ARHGAP26: variants seen among roughly 807,000 people sequenced by gnomAD.
The protein encoded by ARHGAP26 is Rho GTPase activating protein 26, also known as rho GTPase-activating protein 26.
A neutral mutation model predicts 104.8 loss-of-function variants in ARHGAP26; 38 were observed. The ratio of observed to expected loss-of-function variants is 0.36; its 90% CI spans 0.28 to 0.48. The LOEUF (loss-of-function observed/expected upper bound fraction) is 0.48. Ranked by LOEUF, ARHGAP26 falls within the 20% of genes least tolerant of loss-of-function variation. The pLI, the probability that ARHGAP26 is intolerant of heterozygous loss-of-function variation, is 0.99. For missense variants in ARHGAP26, 704 were observed against 947.9 expected (o/e 0.74, Z 3.38); for synonymous variants, 341 against 340.0 (o/e 1.00, Z -0.03).
At chr5:142,897,011 C>T (rs186758159) in intron 6 of ARHGAP26, among the ~76,000 whole-genome samples, 1 of 152,258 alleles carries the variant, frequency 6.6e-6, no homozygotes. Flanking sequence ...TTAATATAAA[C>T]AGTTTTGGTA....
At position 142,794,437 on chromosome 5, in the gene ARHGAP26, G is replaced by A. The variant is rs184711078; in HGVS notation, c.154+23522G>A. Among the ~76,000 whole-genome samples the A allele has an allele frequency of 4.6e-5, 7 of 152,300 alleles. No individual in the cohort carries two copies. The East Asian group carries it at 7.7e-4, about 17-fold the overall frequency. On this transcript the variant is annotated intron_variant, in intron 1 of 22. Transcript: ENST00000645722. ...ACACTGGCATAAGTAAATTGAGCACGGTCATCTGTGGAAGAGAAAGGGCCC... is the reference window on the plus strand; with the variant it reads ...ACACTGGCATAAGTAAATTGAGCACAGTCATCTGTGGAAGAGAAAGGGCCC...
chr5:143,014,449 A>C, intron 12 of ARHGAP26: 2 of 296,966 alleles, frequency 6.7e-6, no homozygotes, highest in South Asian at 5.6e-5. Context: ...TAATACAACA[A>C]TACTCAACTC....
At chr5:142,818,804 G>A (rs1300194959) in intron 1 of ARHGAP26, among the ~76,000 whole-genome samples, 1 of 152,096 alleles carries the variant, frequency 6.6e-6, no homozygotes, top group Non-Finnish European at 1.5e-5. Flanking sequence ...AGAGCTCCAG[G>A]TACCCTCCTG....
chr5:142,961,432 C>T (rs1770230260), intron 11 of ARHGAP26, among the ~76,000 whole-genome samples: 1 of 152,072 alleles, frequency 6.6e-6, no homozygotes, highest in Non-Finnish European at 1.5e-5. Context: ...GTGGAGGGTG[C>T]ATTGAGTTGT....
chr5:142,881,635 C>T lies in ARHGAP26; in HGVS notation c.384+2190C>T, dbSNP rs566515962. Among the ~76,000 whole-genome samples, 38 of 152,198 alleles carry T rather than the reference C, an allele frequency of 2.5e-4. 1 individual carries two copies. Among genetic ancestry groups the T allele is most frequent in the Middle Eastern group, 6.8e-3 (2 of 294 alleles). ...CATCCTTCCCCATTTGTCATTTTTT[C>T]CTCCTGGCATGTCCTCCTTTGCATC... On this transcript the variant is annotated intron_variant, in intron 4 of 22. Transcript: ENST00000645722.
At chr5:142,993,504 C>A (rs1377136451) in intron 11 of ARHGAP26, among the ~76,000 whole-genome samples, 1 of 152,068 alleles carries the variant, frequency 6.6e-6, no homozygotes, top group Non-Finnish European at 1.5e-5. Flanking sequence ...GGGGTTTCAC[C>A]ATGTTGGCCA....
intron 17 of ARHGAP26, among the ~76,000 whole-genome samples, chr5:143,074,778 G>A (rs1469040334): frequency 1.3e-5 from 2 of 152,226 alleles, no homozygotes; most frequent in Non-Finnish European, 2.9e-5. Flanking sequence ...TCAGACCTAA[G>A]ACATGTTTGG....
chr5:143,013,693 T>A, intron 11 of ARHGAP26, among the ~76,000 whole-genome samples: 1 of 152,224 alleles, frequency 6.6e-6, no homozygotes. Flanking sequence ...AACAGAATTG[T>A]CATGTTGATG....
chr5:142,774,643 G>T (rs1755926534), intron 1 of ARHGAP26, among the ~76,000 whole-genome samples: 1 of 152,098 alleles, frequency 6.6e-6, no homozygotes, highest in Non-Finnish European at 1.5e-5. Flanking sequence ...ACATTCTGTG[G>T]ATTTTGACAA....
intron 11 of ARHGAP26, among the ~76,000 whole-genome samples, chr5:142,969,782 AGAT>A (rs1215787572): frequency 6.6e-6 from 1 of 152,108 alleles, no homozygotes; most frequent in East Asian, 1.9e-4. Flanking sequence ...CGGCCCCTGA[AGAT>A]GAGGAGTATG....
intron 20 of ARHGAP26, among the ~76,000 whole-genome samples, chr5:143,206,748 C>A (rs1319346964): frequency 6.6e-6 from 1 of 152,142 alleles, no homozygotes; most frequent in Admixed American, 6.5e-5. Flanking sequence ...CACCGAATGG[C>A]CTTTGTGGCC....
rs1450568658 is a variant in ARHGAP26, at chr5:143,004,006, A to G, written c.1108-10074A>G. 1.5e-4 allele frequency among the ~76,000 whole-genome samples: 18 copies of G among 122,706 alleles called. No homozygotes were observed. In the Admixed American group the frequency reaches 1.6e-3, roughly 11 times the overall value. 80.5% of individuals were successfully genotyped at this position (122,706 alleles called of 152,430 possible). On this transcript the variant is annotated intron_variant, in intron 11 of 22. Transcript: ENST00000645722. The stretch of plus-strand genomic sequence containing the variant: ...TCCAGGGATGCCTCGTGGTCAGAAC[A>G]AATTTATAGACAAAAAAAAAAAAAA...
At chr5:143,142,818 T>C (rs1417946086) in intron 19 of ARHGAP26, among the ~76,000 whole-genome samples, 3 of 152,218 alleles carry the variant, frequency 2.0e-5, no homozygotes, top group Non-Finnish European at 4.4e-5. Context: ...CATCCCATCT[T>C]GTCAAGATGA....
In ARHGAP26 at chr5:143,115,247, TGCTTGAACCCAGGAG is replaced by T. The variant is rs1486303357; in HGVS notation, c.1539-5738_1539-5724del. ...ACTCCGGAGGCTGAGGTGGGAGAAT[TGCTTGAACCCAGGAG>T]GCGGAGGTTGCAGTGAGCCAAGATC... On this transcript the variant is annotated intron_variant, in intron 17 of 22. Transcript: ENST00000645722. Among the ~76,000 whole-genome samples, 8 of 151,768 alleles carry T rather than the reference TGCTTGAACCCAGGAG, an allele frequency of 5.3e-5. 1 individual carries two copies. The South Asian group carries it at 1.7e-3, about 32-fold the overall frequency.
At chr5:142,876,468 T>C in intron 3 of ARHGAP26, among the ~76,000 whole-genome samples, 1 of 152,128 alleles carries the variant, frequency 6.6e-6, no homozygotes, top group East Asian at 1.9e-4. Flanking sequence ...GTCTGCATTA[T>C]ATTAAAAAAT....
intron 17 of ARHGAP26, among the ~76,000 whole-genome samples, chr5:143,112,176 T>C (rs1294904519): frequency 3.9e-5 from 6 of 152,118 alleles, no homozygotes; most frequent in Admixed American, 1.3e-4. Flanking sequence ...GAAAAGAGAA[T>C]TGAAGAATTA....
At chr5:142,992,467 C>A (rs1775757968) in intron 11 of ARHGAP26, among the ~76,000 whole-genome samples, 4 of 150,254 alleles carry the variant, frequency 2.7e-5, no homozygotes, top group Admixed American at 2.7e-4. Flanking sequence ...GGAGTCTTGC[C>A]CTGTCACCTA....
At chr5:143,081,084 T>C (rs1789742676) in intron 17 of ARHGAP26, among the ~76,000 whole-genome samples, 1 of 152,036 alleles carries the variant, frequency 6.6e-6, no homozygotes, top group Non-Finnish European at 1.5e-5. Flanking sequence ...TTGTCTTGTT[T>C]TATTGTTGTG....
intron 1 of ARHGAP26, among the ~76,000 whole-genome samples, chr5:142,808,160 G>A (rs1308785642): frequency 7.5e-6 from 1 of 133,154 alleles, no homozygotes; most frequent in Non-Finnish European, 1.6e-5. Context: ...GCATGAACCC[G>A]GGAGGCAGAG....
Sources: gnomAD v4.1 joint callset for allele counts (sites outside exome capture counted in the v4.1 genomes callset) on GRCh38, gnomAD v4.1.1 for gene constraint, MANE v1.5 for transcripts, NCBI Gene and HGNC (gene_info 2026-07-23, HGNC 2026-07-21) for gene names.